N4BP3: variants seen among roughly 807,000 people sequenced by gnomAD.
N4BP3 encodes NEDD4 binding protein 3, also known as NEDD4-binding protein 3.
In N4BP3, 33 loss-of-function variants were observed where a neutral mutation model predicts 43.8. That is an observed-to-expected ratio of 0.75 (90% CI 0.57 to 1.01). N4BP3 has a LOEUF of 1.01. Ranked by LOEUF, N4BP3 falls within the 50% of genes least tolerant of loss-of-function variation. N4BP3 has a pLI of 0.00. For synonymous variants in N4BP3, 326 were observed against 321.9 expected, an observed-to-expected ratio of 1.01 and a Z score of -0.14; for missense variants, 756 against 744.2, an observed-to-expected ratio of 1.02 and a Z score of -0.18.
intron 1 of N4BP3, among the ~76,000 whole-genome samples, chr5:178,115,070 C>T (rs752740734): frequency 4.6e-5 from 7 of 152,164 alleles, no homozygotes; most frequent in Non-Finnish European, 7.3e-5. Context: ...CCTCGCCTTC[C>T]GAGGCCTCAG....
chr5:178,121,278 C>G lies in N4BP3; in HGVS notation c.1033C>G (p.Pro345Ala). The G allele has an allele frequency of 1.2e-6, 2 of 1,606,412 alleles. No individual in the cohort carries two copies. Among genetic ancestry groups the G allele is most frequent in the Non-Finnish European group, 1.7e-6 (2 of 1,176,010 alleles). ...GCTGCGGGCTCAGCAGGGCCTGGCT[C>G]CGGAGCCTCGGGCCCCCGGCACCCT... ...KELRAQQGLA[P>A]EPRAPGTLPE... The change falls in exon 4 of 5, where the codon CCG becomes GCG. Residue 345 changes from proline to alanine, a missense_variant. Coordinates refer to ENST00000274605, the MANE Select transcript of N4BP3 (RefSeq NM_015111.2).
At chr5:178,114,445 C>A (rs998311888) in intron 1 of N4BP3, among the ~76,000 whole-genome samples, 1 of 152,240 alleles carries the variant, frequency 6.6e-6, no homozygotes, top group African/African-American at 2.4e-5. Flanking sequence ...GCACCCGGTC[C>A]AGTCCCGGCC....
chr5:178,126,887 T>A (rs977949281), downstream of N4BP3, among the ~76,000 whole-genome samples: 4 of 152,206 alleles, frequency 2.6e-5, no homozygotes, highest in Admixed American at 6.5e-5. Context: ...TAGCGTCTGC[T>A]GCCACCTCCT....
At position 178,122,911 on chromosome 5, in the gene N4BP3, AGAGCCTTTACCACAGCAAGGAATGG is replaced by A. The variant is rs963805128; in HGVS notation, c.*913_*937del. On this transcript the variant is annotated 3_prime_UTR_variant, in exon 5 of 5. Coordinates refer to ENST00000274605, the MANE Select transcript of N4BP3 (RefSeq NM_015111.2). ...GGCAAGCTTATGGGTTTCTTGGTAA[AGAGCCTTTACCACAGCAAGGAATGG>A]GAACATTTCCCCATCAGCAACGGGG... 46 of 152,250 alleles carry A rather than the reference AGAGCCTTTACCACAGCAAGGAATGG, an allele frequency of 3.0e-4. 1 individual carries two copies. The highest frequency in any genetic ancestry group is 9.7e-4 in the African/African-American group (40 of 41,436). 9.4% of individuals were successfully genotyped at this position (152,250 alleles called of 1,614,324 possible).
In N4BP3 at chr5:178,121,542, C is replaced by T. The variant is rs771313309; in HGVS notation, c.1176C>T (p.Ala392=). The T allele has an allele frequency of 3.1e-6, 5 of 1,613,722 alleles. No individual in the cohort carries two copies. Among genetic ancestry groups the T allele is most frequent in the Middle Eastern group, 1.6e-4 (1 of 6,084 alleles). ...TGCGTGAAGCCCAGGCGGAACTGGC[C>T]CAGAAGCTGGCGGAGATCTTCAGTC... ...QQLREAQAEL[A]QKLAEIFSLK... The change falls in exon 5 of 5, where the codon GCC becomes GCT. Residue 392 remains alanine, a synonymous_variant. Transcript: ENST00000274605.
chr5:178,122,593 G>GGCA lies in N4BP3; in HGVS notation c.*593_*594insCAG, dbSNP rs1757959989. On this transcript the variant is annotated 3_prime_UTR_variant, in exon 5 of 5. Transcript: ENST00000274605. The stretch of plus-strand genomic sequence containing the variant: ...CCTACTCCTTGCCTCAGCCCCACAC[G>GGCA]GTTCCTTAGCTGCCGTGTGGGCTGA... 1 of 152,468 alleles carries GGCA rather than the reference G, an allele frequency of 6.6e-6. No homozygotes were observed. Among genetic ancestry groups the GGCA allele is most frequent in the South Asian group, 2.1e-4 (1 of 4,834 alleles). The allele number at this position is 152,468 out of a possible 1,614,324, so 9.4% of individuals were successfully genotyped here. A position where few individuals can be genotyped will look rare whatever the true frequency, so the allele number is the denominator to read the frequency against.
In N4BP3 at chr5:178,121,614, C is replaced by T. The variant is rs765393835; in HGVS notation, c.1248C>T (p.Asp416=). The T allele has an allele frequency of 3.7e-6, 6 of 1,613,178 alleles. No individual in the cohort carries two copies. The highest frequency in any genetic ancestry group is 1.3e-5 in the African/African-American group (1 of 75,060). Reference sequence around the variant, plus strand: ...GCCGGGCACAAGCCCAGGCTCAGGACGCAGAGCTGGTCCGGCTGCGCGAGG... The same window carrying T: ...GCCGGGCACAAGCCCAGGCTCAGGATGCAGAGCTGGTCCGGCTGCGCGAGG... The part of the protein sequence containing the change: ...RGSRAQAQAQ[D]AELVRLREAV... The change falls in exon 5 of 5, where the codon GAC becomes GAT. Residue 416 remains aspartate (D), a synonymous_variant. Transcript: ENST00000274605.
rs779314029 is a variant in N4BP3 at position 178,120,190 on chromosome 5, C to T, written c.343C>T (p.Pro115Ser). 5.1e-6 allele frequency: 8 copies of T among 1,571,682 alleles called. No homozygotes were observed. In the East Asian group the frequency reaches 1.4e-4, roughly 27 times the overall value. Residue 115 changes from proline to serine, a missense_variant, in exon 3 of 5, where the codon CCC becomes TCC. Physicochemically the swap from Pro to Ser is moderately conservative, Grantham distance 74 (BLOSUM62 -1). Coordinates refer to ENST00000274605, the MANE Select transcript of N4BP3 (RefSeq NM_015111.2). ...RGRFDKCRIR[P>S]SVFKPTAGNG... ...CTCTTCCTGGCAGTGCCGCATTCGCCCCTCAGTGTTCAAGCCTACGGCGGG... is the reference window on the plus strand; with the variant it reads ...CTCTTCCTGGCAGTGCCGCATTCGCTCCTCAGTGTTCAAGCCTACGGCGGG...
downstream of N4BP3, among the ~76,000 whole-genome samples, chr5:178,126,709 C>T (rs1330685160): frequency 6.6e-6 from 1 of 152,180 alleles, no homozygotes; most frequent in Non-Finnish European, 1.5e-5. Flanking sequence ...GAAGGAATGC[C>T]ATTGTCTTGA....
At position 178,120,466 on chromosome 5, in the gene N4BP3, C is replaced by G; in HGVS notation, c.619C>G (p.Pro207Ala). The change falls in exon 3 of 5, where the codon CCC (proline) becomes GCC (alanine). Residue 207 changes from proline (P) to alanine (A), a missense_variant. Physicochemically the swap from Pro to Ala is conservative, Grantham distance 27. Coordinates refer to ENST00000274605, the MANE Select transcript of N4BP3 (RefSeq NM_015111.2). ...FGRSPGTGPS[P>A]FSSSLGHLNH... ...TCGCAGTCCTGGTACTGGCCCTAGC[C>G]CCTTCAGCTCCTCCCTTGGCCACCT... The G allele has an allele frequency of 6.2e-7, 1 of 1,613,100 alleles. No individual in the cohort carries two copies.
chr5:178,119,897 G>T lies in N4BP3; in HGVS notation c.314G>T (p.Arg105Leu). ...TTCAGCAAGACCTCGCTGCCAGAAC[G>T]GGGTCGCTTTGACAAGGTGCACCTT... Reference protein sequence around the residue: ...GDFSKTSLPERGRFDKCRIRP... With the variant: ...GDFSKTSLPELGRFDKCRIRP... Residue 105 changes from arginine (R) to leucine (L), a missense_variant, in exon 2 of 5, where the codon CGG (arginine) becomes CTG (leucine). Arg to Leu is a moderately radical substitution (Grantham distance 102). Coordinates refer to ENST00000274605, the MANE Select transcript of N4BP3 (RefSeq NM_015111.2). The T allele has an allele frequency of 6.2e-7, 1 of 1,606,962 alleles. No homozygotes were observed. The highest frequency in any genetic ancestry group is 8.5e-7 in the Non-Finnish European group (1 of 1,178,380).
Position 178,119,675 on chromosome 5 carries a change from C to T in N4BP3, c.92C>T (p.Ala31Val), listed in dbSNP as rs372163473. Reference sequence around the variant, plus strand: ...GACTTCTCCCCTGAAGAGCTGCGGGCGGCACTTGCCGGGTCTCGGGGCTCC... The same window carrying T: ...GACTTCTCCCCTGAAGAGCTGCGGGTGGCACTTGCCGGGTCTCGGGGCTCC... Reference protein sequence around the residue: ...RQDFSPEELRAALAGSRGSRQ... With the variant: ...RQDFSPEELRVALAGSRGSRQ... The change falls in exon 2 of 5, where the codon GCG becomes GTG. Residue 31 changes from alanine (A) to valine (V), a missense_variant. Ala to Val is a moderately conservative substitution (Grantham distance 64, BLOSUM62 0). Coordinates refer to ENST00000274605, the MANE Select transcript of N4BP3 (RefSeq NM_015111.2). 28 of 1,609,116 alleles carry T rather than the reference C, an allele frequency of 1.7e-5. No individual in the cohort carries two copies. The African/African-American group carries it at 2.5e-4, about 15-fold the overall frequency.
rs773399147 is a variant in N4BP3, at chr5:178,121,770, G to T, written c.1404G>T (p.Leu468=). 1 of 1,608,438 alleles carries T rather than the reference G, an allele frequency of 6.2e-7. No homozygotes were observed. The highest frequency in any genetic ancestry group is 8.5e-7 in the Non-Finnish European group (1 of 1,179,726). ...AGGCCAGAGACAGTGCTGAGCAGCT[G>T]CGGGCTGAGCTGCTGCAGGAGCGAC... is the stretch of plus-strand genomic sequence containing the variant. ...GSEARDSAEQ[L]RAELLQERLR... is the part of the protein sequence containing the mutation. Residue 468 remains leucine (L), a synonymous_variant, in exon 5 of 5, where the codon CTG becomes CTT. Transcript: ENST00000274605.
intron 1 of N4BP3, among the ~76,000 whole-genome samples, chr5:178,114,198 C>T (rs1187863809): frequency 1.3e-5 from 2 of 152,204 alleles, no homozygotes; most frequent in Non-Finnish European, 2.9e-5. Context: ...AGACGCGCCT[C>T]CCACCCCGCC....
chr5:178,116,690 G>C (rs1160668019), intron 1 of N4BP3, among the ~76,000 whole-genome samples: 1 of 152,198 alleles, frequency 6.6e-6, no homozygotes. Context: ...GCGCTGTTGC[G>C]GCCGGTGGCT....
At position 178,114,489 on chromosome 5, in the gene N4BP3, G is replaced by T. The variant is rs529542183; in HGVS notation, c.-31+718G>T. ...TGGCCCAAGTGAGGGCTGGCCTGGGGACAAGCCGAAATCAGGGCCCTGGCT... is the reference window on the plus strand; with the variant it reads ...TGGCCCAAGTGAGGGCTGGCCTGGGTACAAGCCGAAATCAGGGCCCTGGCT... On this transcript the variant is annotated intron_variant, in intron 1 of 4. Coordinates refer to ENST00000274605, the MANE Select transcript of N4BP3 (RefSeq NM_015111.2). Among the ~76,000 whole-genome samples the T allele has an allele frequency of 2.6e-5, 4 of 152,306 alleles. No homozygotes were observed. The South Asian group carries it at 8.3e-4, about 32-fold the overall frequency.
chr5:178,126,185 TTTTA>T (rs1340238627), downstream of N4BP3: 1 of 152,088 alleles, frequency 6.6e-6, no homozygotes, highest in African/African-American at 2.4e-5. Flanking sequence ...TATTATTTTA[TTTTA>T]TTTATTTTTT....
At chr5:178,114,630 A>G (rs774224210) in intron 1 of N4BP3, among the ~76,000 whole-genome samples, 72 of 152,230 alleles carry the variant, frequency 4.7e-4, no homozygotes, top group Non-Finnish European at 9.3e-4. Context: ...GCAGGAGGCC[A>G]TCCTGGGCGC....
chr5:178,115,764 A>G (rs1348703105), intron 1 of N4BP3, among the ~76,000 whole-genome samples: 1 of 152,078 alleles, frequency 6.6e-6, no homozygotes, highest in African/African-American at 2.4e-5. Context: ...CCTCAAAGAA[A>G]GCGCGTCCTC....
Sources: gnomAD v4.1 joint callset for allele counts (sites outside exome capture counted in the v4.1 genomes callset) on GRCh38, gnomAD v4.1.1 for gene constraint, MANE v1.5 for transcripts, NCBI Gene and HGNC (gene_info 2026-07-23, HGNC 2026-07-21) for gene names.